The following CDK14 variants were observed in gnomAD, a reference collection of about 807,000 sequenced individuals.
CDK14 encodes the protein cyclin dependent kinase 14.
A neutral mutation model predicts 60.7 loss-of-function variants in CDK14; 34 were observed. That is an observed-to-expected ratio of 0.56 (90% CI 0.43 to 0.75). CDK14 has a LOEUF of 0.75. Among genes scored for constraint, CDK14 ranks in the 30% least tolerant of loss-of-function variants. The probability of loss-of-function intolerance (pLI) is 0.00; values close to 1 mark genes in which losing one functional copy is unlikely to be tolerated. For synonymous variants in CDK14, 197 were observed against 203.7 expected, an observed-to-expected ratio of 0.97 and a Z score of 0.28; for missense variants, 482 against 564.1, an observed-to-expected ratio of 0.85 and a Z score of 1.47.
At chr7:90,604,980 CAT>C (rs1306916355) in intron 2 of CDK14, among the ~76,000 whole-genome samples, 2 of 152,144 alleles carry the variant, frequency 1.3e-5, no homozygotes, top group African/African-American at 4.8e-5. Context: ...AACTGGGCCA[CAT>C]GTGTATATAG....
intron 2 of CDK14, among the ~76,000 whole-genome samples, chr7:90,669,769 C>T (rs1230907795): frequency 6.6e-6 from 1 of 152,112 alleles, no homozygotes; most frequent in African/African-American, 2.4e-5. Flanking sequence ...GAACTGAGAA[C>T]ACAAGATATA....
At chr7:91,131,620 T>C (rs1320249416) in intron 14 of CDK14, among the ~76,000 whole-genome samples, 1 of 152,202 alleles carries the variant, frequency 6.6e-6, no homozygotes, top group Non-Finnish European at 1.5e-5. Flanking sequence ...GCAGGGAATG[T>C]CTGAGTTAAG....
intron 2 of CDK14, among the ~76,000 whole-genome samples, chr7:90,649,244 C>CTTTCTTTCTTTGTTTCTTTGTTTCTTTG (rs1563029599): frequency 0.025 from 673 of 26,648 alleles, 99 homozygotes; most frequent in East Asian, 0.081. Flanking sequence ...TAGTTTCTTT[C>CTTTCTTTCTTTGTTTCTTTGTTTCTTTG]TTTCTTTCTT....
chr7:91,066,187 C>G (rs1797972755), intron 11 of CDK14, among the ~76,000 whole-genome samples: 1 of 152,096 alleles, frequency 6.6e-6, no homozygotes, highest in Non-Finnish European at 1.5e-5. Context: ...TGAAGAACAG[C>G]TAGAATTTCA....
chr7:90,912,420 TTCAGCA>T (rs1792937399), intron 7 of CDK14, among the ~76,000 whole-genome samples: 1 of 152,224 alleles, frequency 6.6e-6, no homozygotes, highest in Non-Finnish European at 1.5e-5. Flanking sequence ...CATGCATTTA[TTCAGCA>T]TCAACCTCAT....
At chr7:90,614,495 T>C (rs925516864) in intron 2 of CDK14, among the ~76,000 whole-genome samples, 1 of 152,194 alleles carries the variant, frequency 6.6e-6, no homozygotes, top group African/African-American at 2.4e-5. Flanking sequence ...CCCTTCTGAA[T>C]CTATTTTATT....
chr7:91,007,938 A>G (rs1233429888), intron 10 of CDK14, among the ~76,000 whole-genome samples: 1 of 152,062 alleles, frequency 6.6e-6, no homozygotes, highest in Non-Finnish European at 1.5e-5. Context: ...ATATTTCATT[A>G]GATACTCCAT....
intron 14 of CDK14, among the ~76,000 whole-genome samples, chr7:91,138,492 C>T (rs768270573): frequency 8.6e-5 from 13 of 152,046 alleles, no homozygotes; most frequent in Non-Finnish European, 1.8e-4. Flanking sequence ...CCTGTGGTTG[C>T]CACTGTATTG....
chr7:90,956,885 A>G (rs1224178169), intron 9 of CDK14, among the ~76,000 whole-genome samples: 1 of 151,216 alleles, frequency 6.6e-6, no homozygotes, highest in African/African-American at 2.4e-5. Context: ...TGTTCTTGTG[A>G]TAGTTTATTG....
chr7:91,107,244 AT>A (rs1255510923), intron 12 of CDK14: 1 of 152,172 alleles, frequency 6.6e-6, no homozygotes, highest in Non-Finnish European at 1.5e-5. Context: ...TTTTTACATC[AT>A]TTCTGTATGC....
chr7:91,193,028 T>G (rs1401921202), intron 14 of CDK14, among the ~76,000 whole-genome samples: 2 of 152,208 alleles, frequency 1.3e-5, no homozygotes, highest in Non-Finnish European at 2.9e-5. Context: ...TTTTCTCATA[T>G]GGGGCAGTGT....
chr7:90,623,521 T>G (rs1480097931), intron 2 of CDK14, among the ~76,000 whole-genome samples: 1 of 152,118 alleles, frequency 6.6e-6, no homozygotes, highest in East Asian at 1.9e-4. Context: ...AAACCTGAAG[T>G]GTTCTGAATA....
In CDK14 at chr7:90,659,875, CTG is replaced by C. The variant is rs149308809; in HGVS notation, c.123+55651_123+55652del. 9.9e-3 allele frequency among the ~76,000 whole-genome samples: 1,280 copies of C among 128,816 alleles called. 27 individuals are homozygous for C. Among genetic ancestry groups the C allele is most frequent in the African/African-American group, 0.018 (598 of 32,768 alleles). The allele number at this position is 128,816 out of a possible 152,430, so 84.5% of individuals were successfully genotyped here. A position where few individuals can be genotyped will look rare whatever the true frequency, so the allele number is the denominator to read the frequency against. ...TCTCTCTCTCTCTCTCTCTCTCTCT[CTG>C]TGTGTGTGTGTGTGTGTGTGTGTGC... is the stretch of plus-strand genomic sequence containing the variant. On this transcript the variant is annotated intron_variant, in intron 2 of 14. Transcript: ENST00000380050.
chr7:90,841,516 G>A (rs1278247860), intron 5 of CDK14, among the ~76,000 whole-genome samples: 2 of 151,910 alleles, frequency 1.3e-5, no homozygotes, highest in African/African-American at 2.4e-5. Context: ...ATTTGGGGTG[G>A]TAACTAAACA....
intron 4 of CDK14, among the ~76,000 whole-genome samples, chr7:90,751,570 A>G (rs1490822757): frequency 6.6e-6 from 1 of 152,244 alleles, no homozygotes; most frequent in African/African-American, 2.4e-5. Flanking sequence ...AAAAACACAC[A>G]TAAGTACATG....
intron 2 of CDK14, among the ~76,000 whole-genome samples, chr7:90,705,283 C>G (rs1801872890): frequency 6.6e-6 from 1 of 151,412 alleles, no homozygotes; most frequent in African/African-American, 2.4e-5. Context: ...CTTAGTGTTT[C>G]TTTTTCCTTG....
intron 2 of CDK14, among the ~76,000 whole-genome samples, chr7:90,622,326 AT>A (rs1300766631): frequency 6.6e-6 from 1 of 152,260 alleles, no homozygotes; most frequent in Non-Finnish European, 1.5e-5. Context: ...ATTTAAAAAA[AT>A]AAATGACTGT....
intron 4 of CDK14, among the ~76,000 whole-genome samples, chr7:90,751,802 A>G (rs79778730): frequency 1.3e-5 from 2 of 152,188 alleles, no homozygotes; most frequent in African/African-American, 4.8e-5. Flanking sequence ...ATGTGATTAC[A>G]CAAGTAGGCT....
intron 12 of CDK14, among the ~76,000 whole-genome samples, chr7:91,101,254 G>A (rs1326213231): frequency 6.6e-6 from 1 of 152,114 alleles, no homozygotes; most frequent in Non-Finnish European, 1.5e-5. Context: ...GGCATGCAAT[G>A]GACACTAAGA....
Sources: gnomAD v4.1 joint callset for allele counts (sites outside exome capture counted in the v4.1 genomes callset) on GRCh38, gnomAD v4.1.1 for gene constraint, MANE v1.5 for transcripts, NCBI Gene and HGNC (gene_info 2026-07-23, HGNC 2026-07-21) for gene names.